The following DRD3 variants were observed in gnomAD, a reference collection of about 807,000 sequenced individuals.
DRD3 encodes the protein D(3) dopamine receptor.
DRD3 carries 19 observed loss-of-function variants against 36.3 expected under a neutral mutation model. The ratio of observed to expected loss-of-function variants is 0.52; its 90% CI spans 0.36 to 0.77. The LOEUF is 0.77. Ranked by LOEUF, DRD3 falls within the 30% of genes least tolerant of loss-of-function variation. DRD3 has a pLI of 0.00. For synonymous variants in DRD3, 195 were observed against 203.7 expected, an observed-to-expected ratio of 0.96 and a Z score of 0.36; for missense variants, 465 against 505.3, an observed-to-expected ratio of 0.92 and a Z score of 0.77.
chr3:114,128,978 A>G, intron 6 of DRD3, 66 bp from the exon 7 acceptor site: 1 of 1,452,656 alleles, frequency 6.9e-7, no homozygotes, highest in Non-Finnish European at 9.2e-7. Context: ...ATAACATGAG[A>G]ATGACTCACG....
exon 1 of DRD3, chr3:114,199,327 T>C (rs930865378): frequency 6.6e-6 from 1 of 152,482 alleles, no homozygotes; most frequent in African/African-American, 2.4e-5. Flanking sequence ...GCAAAGACCT[T>C]TGTGCTGTGT....
intron 3 of DRD3, among the ~76,000 whole-genome samples, chr3:114,151,390 T>C (rs2077616300): frequency 6.6e-6 from 1 of 152,182 alleles, no homozygotes; most frequent in African/African-American, 2.4e-5. Flanking sequence ...TATTCAGTGG[T>C]GTGCTGGTAA....
At chr3:114,151,341 A>T (rs868541976) in intron 3 of DRD3, among the ~76,000 whole-genome samples, 1 of 152,192 alleles carries the variant, frequency 6.6e-6, no homozygotes. Flanking sequence ...TTCCACTTGC[A>T]TAATGTCCTT....
chr3:114,157,010 CTTT>C (rs1401686127), intron 3 of DRD3, among the ~76,000 whole-genome samples: 4 of 140,394 alleles, frequency 2.8e-5, no homozygotes, highest in African/African-American at 1.1e-4. Flanking sequence ...CTCTCTCTCT[CTTT>C]CTTTCTTTCT....
At chr3:114,163,214 C>G (rs989255705) in intron 2 of DRD3, among the ~76,000 whole-genome samples, 2 of 152,158 alleles carry the variant, frequency 1.3e-5, no homozygotes, top group Non-Finnish European at 2.9e-5. Flanking sequence ...ATCACTTAGC[C>G]TTCCCTGGAG....
At chr3:114,192,328 G>A (rs1001678620) in intron 1 of DRD3, among the ~76,000 whole-genome samples, 12 of 152,218 alleles carry the variant, frequency 7.9e-5, no homozygotes, top group African/African-American at 2.9e-4. Flanking sequence ...ATTTATAGCA[G>A]TCTGGCTCCC....
intron 5 of DRD3, among the ~76,000 whole-genome samples, chr3:114,137,938 C>A (rs2077488977): frequency 7.3e-6 from 1 of 136,772 alleles, no homozygotes; most frequent in South Asian, 2.3e-4. Flanking sequence ...GCGGAGCTTG[C>A]AGTGAGCTGA....
chr3:114,196,864 C>T (rs557613745), intron 1 of DRD3, among the ~76,000 whole-genome samples: 12 of 152,098 alleles, frequency 7.9e-5, no homozygotes, highest in Admixed American at 1.3e-4. Flanking sequence ...GTCCATTATA[C>T]GTTCTAAATA....
chr3:114,147,616 T>G, intron 3 of DRD3, 59 bp from the exon 4 acceptor site: 3 of 1,577,132 alleles, frequency 1.9e-6, no homozygotes, highest in South Asian at 1.1e-5. Context: ...TACTTTTCTT[T>G]CTGCGTTGTT....
chr3:114,128,363 C>G lies in DRD3; in HGVS notation c.*353G>C, dbSNP rs558042907. On this transcript the variant is annotated 3_prime_UTR_variant, in exon 7 of 7. Coordinates refer to ENST00000383673, the MANE Select transcript of DRD3 (RefSeq NM_000796.6). ...TGGTTTACTGGCTGATTTCAAGGAC[C>G]CCTGCAAGTTGAGAATGATGAGATC... Among the ~76,000 whole-genome samples, 8 of 152,106 alleles carry G rather than the reference C, an allele frequency of 5.3e-5. No individual in the cohort carries two copies. Among genetic ancestry groups the G allele is most frequent in the African/African-American group, 1.9e-4 (8 of 41,424 alleles).
At chr3:114,156,757 TTCTTTCTTTCTTTCTTTCTTTC>T in intron 3 of DRD3, among the ~76,000 whole-genome samples, 1 of 102,902 alleles carries the variant, frequency 9.7e-6, no homozygotes, top group South Asian at 2.6e-4. Flanking sequence ...CTTTCTTTCT[TTCTTTCTTTCTTTCTTTCTTTC>T]TTTCTTTCTT....
intron 2 of DRD3, among the ~76,000 whole-genome samples, chr3:114,164,645 C>A (rs1181686308): frequency 6.6e-6 from 1 of 152,186 alleles, no homozygotes; most frequent in Non-Finnish European, 1.5e-5. Flanking sequence ...ATAAAATGAT[C>A]CTGAGAAATT....
intron 1 of DRD3, among the ~76,000 whole-genome samples, chr3:114,188,422 G>C (rs1172464788): frequency 6.6e-6 from 1 of 152,034 alleles, no homozygotes; most frequent in East Asian, 1.9e-4. Context: ...ATGTTGCCCA[G>C]GCTGGCCTTG....
chr3:114,184,228 T>C (rs1331583770), intron 1 of DRD3, among the ~76,000 whole-genome samples: 1 of 152,206 alleles, frequency 6.6e-6, no homozygotes, highest in Non-Finnish European at 1.5e-5. Context: ...TTCAATAACA[T>C]AAAATATCTG....
intron 2 of DRD3, among the ~76,000 whole-genome samples, chr3:114,160,445 A>T (rs1485736423): frequency 6.6e-6 from 1 of 152,128 alleles, no homozygotes; most frequent in African/African-American, 2.4e-5. Flanking sequence ...ACTCCTATAC[A>T]TACCAAGGTT....
At chr3:114,175,207 T>G (rs556122034) in intron 1 of DRD3, among the ~76,000 whole-genome samples, 44 of 152,254 alleles carry the variant, frequency 2.9e-4, no homozygotes, top group African/African-American at 6.7e-4. Flanking sequence ...CAAATTGCTC[T>G]CCCCATGAAG....
At chr3:114,193,667 A>AT (rs1195091172) in intron 1 of DRD3, among the ~76,000 whole-genome samples, 3 of 152,004 alleles carry the variant, frequency 2.0e-5, no homozygotes, top group East Asian at 1.9e-4. Flanking sequence ...TCCTAATCAC[A>AT]TTTTTTTCCC....
intron 1 of DRD3, among the ~76,000 whole-genome samples, 189 bp from the exon 2 acceptor site, chr3:114,172,216 C>T (rs1385355722): frequency 6.6e-6 from 1 of 152,134 alleles, no homozygotes; most frequent in Non-Finnish European, 1.5e-5. Context: ...CCCTTTGAAG[C>T]TCCCATTCTA....
Position 114,192,590 on chromosome 3 carries a change from TTGG to T in DRD3, c.-156+6680_-156+6682del, listed in dbSNP as rs1345717345. On this transcript the variant is annotated intron_variant, in intron 1 of 7. Coordinates refer to the DRD3 transcript ENST00000460779. The stretch of plus-strand genomic sequence containing the variant: ...TTTCTTTGCTTCAACCTCAGTTCTG[TTGG>T]TGATTACACTTGCCTTCAATAGCTC... Among the ~76,000 whole-genome samples, 3 of 152,250 alleles carry T rather than the reference TTGG, an allele frequency of 2.0e-5. No homozygotes were observed. In the East Asian group the frequency reaches 5.8e-4, roughly 29 times the overall value.
Sources: allele counts gnomAD v4.1 joint callset (sites outside exome capture counted in the v4.1 genomes callset), GRCh38; gene constraint gnomAD v4.1.1; transcripts MANE v1.5; gene names NCBI Gene and HGNC (gene_info 2026-07-23, HGNC 2026-07-21).